MYO10: variants seen among roughly 807,000 people sequenced by gnomAD.
The protein encoded by MYO10 is myosin X, also known as unconventional myosin-X.
In MYO10, 133 loss-of-function variants were observed where a neutral mutation model predicts 257.3. The observed-to-expected ratio is 0.52, with a 90% confidence interval of 0.45 to 0.60. The LOEUF (loss-of-function observed/expected upper bound fraction) is 0.60. Among genes scored for constraint, MYO10 ranks in the 20% least tolerant of loss-of-function variants. The pLI, the probability that MYO10 is intolerant of heterozygous loss-of-function variation, is 0.00. For synonymous variants in MYO10, 1,104 were observed against 1,028.6 expected, an observed-to-expected ratio of 1.07 and a Z score of -1.40; for missense variants, 2,399 against 2,635.7, an observed-to-expected ratio of 0.91 and a Z score of 1.97.
chr5:16,792,292 C>T (rs1741790421), intron 4 of MYO10, among the ~76,000 whole-genome samples: 1 of 151,996 alleles, frequency 6.6e-6, no homozygotes, highest in Non-Finnish European at 1.5e-5. Context: ...GAGAAGAACA[C>T]AACCCCTGCA....
chr5:16,695,191 G>A (rs1189300398), intron 26 of MYO10, among the ~76,000 whole-genome samples: 6 of 152,042 alleles, frequency 3.9e-5, no homozygotes, highest in East Asian at 1.9e-4. Context: ...AAAATTAGCC[G>A]GGTATGGTGG....
At position 16,676,154 on chromosome 5, in the gene MYO10, C is replaced by G; in HGVS notation, c.4543G>C (p.Glu1515Gln). Residue 1515 changes from glutamate to glutamine, a missense_variant and splice_region_variant, in exon 34 of 41, where the codon GAG becomes CAG. By Grantham distance (29) the Glu-to-Gln change is conservative. This residue lies in a region of MYO10 where 1,820 missense variants were observed against 1,939.4 expected (regional missense o/e 0.94). Transcript: ENST00000513610. The part of the protein sequence containing the change: ...PTQQLIQDIK[E>Q]NCLNSDVVEQ... Reference sequence around the variant, plus strand: ...ACCACATCCGAGTTCAGGCAGTTCTCCTAAAAATAAAGCAAGCAAGCTTAT... The same window carrying G: ...ACCACATCCGAGTTCAGGCAGTTCTGCTAAAAATAAAGCAAGCAAGCTTAT... 1.9e-6 allele frequency: 3 copies of G among 1,610,834 alleles called. No homozygotes were observed.
At chr5:16,801,432 A>G (rs1263852738) in intron 3 of MYO10, among the ~76,000 whole-genome samples, 1 of 151,990 alleles carries the variant, frequency 6.6e-6, no homozygotes, top group Non-Finnish European at 1.5e-5. Context: ...GGCTGCTCTC[A>G]AACTCCTGGC....
chr5:16,918,863 G>A lies in MYO10; in HGVS notation c.21+16925C>T, dbSNP rs74745488. Among the ~76,000 whole-genome samples the A allele has an allele frequency of 2.9e-4, 44 of 152,240 alleles. No individual in the cohort carries two copies. In the East Asian group the frequency reaches 8.5e-3, roughly 29 times the overall value. ...GATCACTTACTTACGCCAATCACTC[G>A]GGATGAGTGTGCAGTTGCTGTCATC... On this transcript the variant is annotated intron_variant, in intron 1 of 40. Coordinates refer to ENST00000513610, the MANE Select transcript of MYO10 (RefSeq NM_012334.3).
In MYO10 at chr5:16,828,209, C is replaced by G. The variant is rs577913686; in HGVS notation, c.121-10042G>C. On this transcript the variant is annotated intron_variant, in intron 2 of 40. Transcript: ENST00000513610. ...CTGGCCCACTGCTGGTGCTACTGTC[C>G]CCTTAGCCCTCCACTTTGCTTGAGT... 1.2e-4 allele frequency among the ~76,000 whole-genome samples: 18 copies of G among 152,224 alleles called. 1 individual carries two copies. In the South Asian group the frequency reaches 2.3e-3, roughly 19 times the overall value.
chr5:16,758,563 T>C (rs939606216), intron 17 of MYO10, among the ~76,000 whole-genome samples: 1 of 152,142 alleles, frequency 6.6e-6, no homozygotes, highest in African/African-American at 2.4e-5. Flanking sequence ...AGTGAGTTAT[T>C]AGTTTTGCCA....
In MYO10 at chr5:16,701,246, G is replaced by A. The variant is rs1180701787; in HGVS notation, c.3149C>T (p.Thr1050Met). Reference protein sequence around the residue: ...VVPTSPSADSTVLLAPSVQDS... With the variant: ...VVPTSPSADSMVLLAPSVQDS... ...CTGCACTGATGGGGCGAGCAGCACCGTGCTGTCCGCACTGGGGCTGGTGGG... is the reference window on the plus strand; with the variant it reads ...CTGCACTGATGGGGCGAGCAGCACCATGCTGTCCGCACTGGGGCTGGTGGG... The change falls in exon 25 of 41, where the codon ACG (threonine) becomes ATG (methionine). Residue 1050 changes from threonine to methionine, a missense_variant. Coordinates refer to ENST00000513610, the MANE Select transcript of MYO10 (RefSeq NM_012334.3). The surrounding 1 kb of genome is among the most constrained non-coding windows in gnomAD (Gnocchi z 8.1). 22 of 1,613,158 alleles carry A rather than the reference G, an allele frequency of 1.4e-5. No individual in the cohort carries two copies. Among genetic ancestry groups the A allele is most frequent in the Non-Finnish European group, 1.7e-5 (20 of 1,179,658 alleles).
chr5:16,727,203 T>G (rs1229554162), intron 19 of MYO10, among the ~76,000 whole-genome samples: 1 of 152,242 alleles, frequency 6.6e-6, no homozygotes, highest in East Asian at 1.9e-4. Flanking sequence ...CAATTTTTTT[T>G]TACACTTCTA....
chr5:16,797,095 G>A (rs1413281853), intron 3 of MYO10, among the ~76,000 whole-genome samples: 1 of 152,158 alleles, frequency 6.6e-6, no homozygotes, highest in East Asian at 1.9e-4. Context: ...GGAACATCAA[G>A]CAAAGTATTG....
intron 2 of MYO10, among the ~76,000 whole-genome samples, chr5:16,860,606 C>CA (rs1299803307): frequency 5.3e-5 from 8 of 152,064 alleles, no homozygotes; most frequent in Non-Finnish European, 8.8e-5. Flanking sequence ...CACTTAAACC[C>CA]AAATGTCCTC....
intron 18 of MYO10, among the ~76,000 whole-genome samples, chr5:16,756,976 A>G (rs777244584): frequency 3.3e-5 from 5 of 151,790 alleles, no homozygotes; most frequent in Non-Finnish European, 7.4e-5. Flanking sequence ...AAAATTAGCC[A>G]TGCGTAATGG....
chr5:16,721,528 A>C (rs1364649851), intron 19 of MYO10, among the ~76,000 whole-genome samples: 1 of 152,208 alleles, frequency 6.6e-6, no homozygotes, highest in Non-Finnish European at 1.5e-5. Flanking sequence ...AAGAGGCAGA[A>C]ACTAATTTCC....
At position 16,701,572 on chromosome 5, in the gene MYO10, G is replaced by A. The variant is rs1339636355; in HGVS notation, c.2823C>T (p.Phe941=). The A allele has an allele frequency of 1.2e-6, 2 of 1,613,892 alleles. No individual in the cohort carries two copies. Among genetic ancestry groups the A allele is most frequent in the South Asian group, 1.1e-5 (1 of 91,062 alleles). ...TCTCGTCGAAATTGAGGGACTCGAG[G>A]AACTCCTGGGCCGCCCTGCACGCTT... ...EEEACRAAQE[F]LESLNFDEID... The change falls in exon 25 of 41, where the codon TTC becomes TTT. Residue 941 remains phenylalanine, a synonymous_variant. Coordinates refer to ENST00000513610, the MANE Select transcript of MYO10 (RefSeq NM_012334.3). This position sits in a 1 kb window ranked among gnomAD's most constrained non-coding sequence, Gnocchi z 8.1.
At chr5:16,807,584 T>C (rs527490794) in intron 3 of MYO10, among the ~76,000 whole-genome samples, 84 of 152,062 alleles carry the variant, frequency 5.5e-4, no homozygotes, top group African/African-American at 1.9e-3. Context: ...CCTTCCTCCA[T>C]TGCTCTCGAC....
chr5:16,792,163 A>G (rs1741784712), intron 4 of MYO10, among the ~76,000 whole-genome samples: 1 of 147,380 alleles, frequency 6.8e-6, no homozygotes, highest in Admixed American at 6.7e-5. Flanking sequence ...AGAGAGAGAG[A>G]GGGAGAGACA....
intron 9 of MYO10, among the ~76,000 whole-genome samples, chr5:16,775,922 G>A (rs1056578049): frequency 2.0e-5 from 3 of 151,028 alleles, no homozygotes; most frequent in East Asian, 3.9e-4. Flanking sequence ...TTGAGATGGG[G>A]CCTGGCCCTG....
At chr5:16,732,309 A>G (rs541614445) in intron 19 of MYO10, among the ~76,000 whole-genome samples, 1 of 152,284 alleles carries the variant, frequency 6.6e-6, no homozygotes, top group South Asian at 2.1e-4. Context: ...GCCCTGGTGA[A>G]GACAACAGAA....
At chr5:16,859,056 T>A (rs574463541) in intron 2 of MYO10, among the ~76,000 whole-genome samples, 78 of 152,306 alleles carry the variant, frequency 5.1e-4, no homozygotes, top group Middle Eastern at 6.8e-3. Flanking sequence ...CTGCTCTTTA[T>A]CCTGTGTTCT....
At chr5:16,902,976 G>C (rs1012927545) in intron 1 of MYO10, among the ~76,000 whole-genome samples, 1 of 152,218 alleles carries the variant, frequency 6.6e-6, no homozygotes, top group Non-Finnish European at 1.5e-5. Flanking sequence ...TCCAGACCAG[G>C]CTCTGATCTC....
Sources: gnomAD v4.1 joint callset for allele counts (sites outside exome capture counted in the v4.1 genomes callset) on GRCh38, gnomAD v4.1.1 for gene constraint, gnomAD v4.1.1 regional missense constraint, Gnocchi (gnomAD v3.1) non-coding constraint, MANE v1.5 for transcripts, NCBI Gene and HGNC (gene_info 2026-07-23, HGNC 2026-07-21) for gene names.